Variants in UBP1 observed in about 807,000 individuals in gnomAD.
UBP1 encodes the protein upstream-binding protein 1.
Under a neutral mutation model 76.1 loss-of-function variants are expected in UBP1, and 22 were observed. That is an observed-to-expected ratio of 0.29 (90% CI 0.21 to 0.41). The LOEUF (loss-of-function observed/expected upper bound fraction) is 0.41. UBP1 is among the 10% of genes least tolerant of loss of function. UBP1 has a pLI of 1.00. For synonymous variants in UBP1, 224 were observed against 237.1 expected (o/e 0.94, Z 0.51); for missense variants, 436 against 668.1 (o/e 0.65, Z 3.83).
At chr3:33,393,594 T>A in intron 13 of UBP1, 140 bp from the exon 14 acceptor site, 1 of 720,642 alleles carries the variant, frequency 1.4e-6, no homozygotes, top group East Asian at 3.1e-5. Flanking sequence ...GGGAATAAAC[T>A]ATTTCTTTCC....
chr3:33,402,296 A>G (rs1053888848), intron 9 of UBP1, among the ~76,000 whole-genome samples: 1 of 152,194 alleles, frequency 6.6e-6, no homozygotes, highest in Admixed American at 6.5e-5. Flanking sequence ...AACAGAATAA[A>G]GAGTCCACCA....
intron 15 of UBP1, chr3:33,390,663 T>C (rs2043725527): frequency 4.6e-6 from 2 of 438,300 alleles, no homozygotes; most frequent in African/African-American, 2.0e-5. Flanking sequence ...ACAATAATAG[T>C]GCTGTCCATA....
At chr3:33,401,188 CATG>C (rs1344848236) in intron 9 of UBP1, among the ~76,000 whole-genome samples, 172 bp from the exon 10 acceptor site, 1 of 152,156 alleles carries the variant, frequency 6.6e-6, no homozygotes, top group Admixed American at 6.5e-5. Flanking sequence ...AGGGTGTGGA[CATG>C]ATGACGAAAT....
At chr3:33,437,280 G>T (rs1447360606) in intron 1 of UBP1, among the ~76,000 whole-genome samples, 9 of 150,298 alleles carry the variant, frequency 6.0e-5, no homozygotes, top group Non-Finnish European at 1.2e-4. Context: ...AAGAGAAGGG[G>T]GTCTCATTCT....
intron 2 of UBP1, among the ~76,000 whole-genome samples, chr3:33,418,897 G>A (rs1172601587): frequency 6.9e-6 from 1 of 145,174 alleles, no homozygotes; most frequent in Non-Finnish European, 1.5e-5. Context: ...GCTAACAAAT[G>A]TCCAGTATCC....
At chr3:33,434,064 A>G (rs1170144091) in intron 1 of UBP1, among the ~76,000 whole-genome samples, 1 of 152,208 alleles carries the variant, frequency 6.6e-6, no homozygotes, top group Non-Finnish European at 1.5e-5. Context: ...ATGATGAAAC[A>G]TCAAGTTTAG....
chr3:33,422,030 G>A (rs2044908591), intron 2 of UBP1, among the ~76,000 whole-genome samples: 1 of 152,092 alleles, frequency 6.6e-6, no homozygotes. Context: ...GAGACAGAGT[G>A]AGACCCTGTC....
chr3:33,439,439 T>C (rs560282619), intron 1 of UBP1, among the ~76,000 whole-genome samples: 1 of 152,360 alleles, frequency 6.6e-6, no homozygotes, highest in South Asian at 2.1e-4. Flanking sequence ...AAGAAGCCCC[T>C]TCCCCCACCA....
At chr3:33,408,821 A>G (rs758667943) in intron 7 of UBP1, 24 bp from the exon 8 acceptor site, 5 of 1,588,500 alleles carry the variant, frequency 3.1e-6, no homozygotes, top group Middle Eastern at 1.7e-4. Flanking sequence ...AAAGATTGGG[A>G]TCAATGTCTT....
intron 1 of UBP1, among the ~76,000 whole-genome samples, chr3:33,425,993 C>A (rs1237904525): frequency 1.3e-5 from 1 of 77,372 alleles, no homozygotes; most frequent in African/African-American, 5.9e-5. Flanking sequence ...CAGGGCAGCT[C>A]TGAATATATA....
chr3:33,392,258 C>T (rs571711210), intron 15 of UBP1: 28 of 258,912 alleles, frequency 1.1e-4, no homozygotes, highest in Non-Finnish European at 1.8e-4. Flanking sequence ...ATAGGAGTTT[C>T]ATGGATTCTG....
At chr3:33,398,412 C>T (rs926813545) in intron 11 of UBP1, 1 of 152,214 alleles carries the variant, frequency 6.6e-6, no homozygotes, top group African/African-American at 2.4e-5. Flanking sequence ...TCTACTAGGG[C>T]TTACTACATG....
chr3:33,400,741 G>A (rs549434110), intron 10 of UBP1, among the ~76,000 whole-genome samples: 2 of 152,106 alleles, frequency 1.3e-5, no homozygotes, highest in African/African-American at 4.8e-5. Flanking sequence ...CAATAAAACA[G>A]AAGGAGTAAA....
chr3:33,426,712 A>G (rs561932407), intron 1 of UBP1, among the ~76,000 whole-genome samples: 1 of 152,234 alleles, frequency 6.6e-6, no homozygotes, highest in African/African-American at 2.4e-5. Flanking sequence ...GGCTTCTTTC[A>G]CTTAGCATGT....
chr3:33,399,534 GAA>G (rs35695525), intron 11 of UBP1, among the ~76,000 whole-genome samples: 1 of 152,018 alleles, frequency 6.6e-6, no homozygotes, highest in Non-Finnish European at 1.5e-5. Context: ...TTATGCTAGT[GAA>G]AAAAAGCCAA....
At chr3:33,406,587 A>G (rs1359248694) in intron 8 of UBP1, among the ~76,000 whole-genome samples, 1 of 152,248 alleles carries the variant, frequency 6.6e-6, no homozygotes, top group African/African-American at 2.4e-5. Context: ...AGCATGGCAG[A>G]GTAATGTAGA....
intron 9 of UBP1, 107 bp from the exon 10 acceptor site, chr3:33,401,123 G>GC: frequency 2.0e-6 from 2 of 997,496 alleles, no homozygotes; most frequent in Non-Finnish European, 2.9e-6. Context: ...TTCAAGTAAG[G>GC]CAACAGTGGG....
In UBP1 at chr3:33,412,629, C is replaced by G. The variant is rs1575474467; in HGVS notation, c.448+93G>C. On this transcript the variant is annotated intron_variant, in intron 4 of 15. Coordinates refer to ENST00000283629, the MANE Select transcript of UBP1 (RefSeq NM_014517.5). ...AAATCCACAAACACCAAAACTTTCCCCACACAAGTAATTCATGATGCCAAC... is the reference window on the plus strand; with the variant it reads ...AAATCCACAAACACCAAAACTTTCCGCACACAAGTAATTCATGATGCCAAC... The G allele has an allele frequency of 9.4e-6, 8 of 855,268 alleles. No individual in the cohort carries two copies. In the East Asian group the frequency reaches 2.0e-4, roughly 21 times the overall value. 53.0% of individuals were successfully genotyped at this position (855,268 alleles called of 1,614,324 possible).
chr3:33,433,397 A>G (rs1456759252), intron 1 of UBP1, among the ~76,000 whole-genome samples: 4 of 149,398 alleles, frequency 2.7e-5, no homozygotes, highest in African/African-American at 9.8e-5. Context: ...AAAGACTACC[A>G]TAGGCCGGGC....
Sources: gnomAD v4.1 joint callset for allele counts (sites outside exome capture counted in the v4.1 genomes callset) on GRCh38, gnomAD v4.1.1 for gene constraint, MANE v1.5 for transcripts, NCBI Gene and HGNC (gene_info 2026-07-23, HGNC 2026-07-21) for gene names.